Variants in EPG5 observed in about 807,000 individuals in gnomAD.
The protein encoded by EPG5 is ectopic P granules protein 5 homolog.
EPG5 carries 159 observed loss-of-function variants against 302.7 expected under a neutral mutation model. The ratio of observed to expected loss-of-function variants is 0.53; its 90% CI spans 0.46 to 0.60. EPG5 has a LOEUF of 0.60. EPG5 is among the 20% of genes least tolerant of loss of function. The pLI is 0.00. For missense variants in EPG5, 2,896 were observed against 3,092.4 expected (o/e 0.94, Z 1.51); for synonymous variants, 1,158 against 1,136.8 (o/e 1.02, Z -0.37).
chr18:45,824,217 T>G, the EPG5 span, among the ~76,000 whole-genome samples: 1 of 151,848 alleles, frequency 6.6e-6, no homozygotes, highest in South Asian at 2.1e-4. Flanking sequence ...ACTTTTTTAT[T>G]TTTTTTTGAG....
intron 6 of EPG5, 56 bp downstream of exon 6, chr18:45,948,447 C>T: frequency 7.2e-7 from 1 of 1,394,494 alleles, no homozygotes; most frequent in Non-Finnish European, 1.0e-6. Flanking sequence ...AGGAGCCAAT[C>T]CTTTAGAAGA....
intron 2 of EPG5, chr18:45,953,375 C>A (rs1052689253): frequency 3.0e-6 from 3 of 984,884 alleles, no homozygotes; most frequent in Non-Finnish European, 2.4e-6. Flanking sequence ...CACACTCCAC[C>A]AGCTGTGTTC....
intron 32 of EPG5, among the ~76,000 whole-genome samples, chr18:45,879,839 G>A (rs890630798): frequency 6.6e-6 from 1 of 152,154 alleles, no homozygotes; most frequent in Non-Finnish European, 1.5e-5. Flanking sequence ...GGGTGGGCAG[G>A]AAAGATCTAC....
chr18:45,822,902 T>C, the EPG5 span, among the ~76,000 whole-genome samples: 3 of 152,194 alleles, frequency 2.0e-5, no homozygotes, highest in African/African-American at 7.2e-5. Context: ...AGGTACCCTG[T>C]ATGGTTTGGC....
chr18:45,916,642 CTAAT>C, intron 17 of EPG5, 60 bp from the exon 18 acceptor site: 3 of 1,484,890 alleles, frequency 2.0e-6, no homozygotes, highest in Non-Finnish European at 2.7e-6. Context: ...AGAATTTTCC[CTAAT>C]TACTTATGAG....
intron 1 of EPG5, among the ~76,000 whole-genome samples, chr18:45,961,813 G>A (rs1373440377): frequency 1.3e-5 from 2 of 149,036 alleles, no homozygotes; most frequent in African/African-American, 2.5e-5. Flanking sequence ...AGCCAAGATC[G>A]CGCCACTGCA....
intron 25 of EPG5, among the ~76,000 whole-genome samples, chr18:45,902,070 C>G (rs1426031082): frequency 6.6e-6 from 1 of 152,208 alleles, no homozygotes; most frequent in African/African-American, 2.4e-5. Context: ...AAGGGAATTT[C>G]AAGTCAGTAA....
chr18:45,946,180 T>C (rs935137116), intron 7 of EPG5, among the ~76,000 whole-genome samples: 1 of 152,224 alleles, frequency 6.6e-6, no homozygotes, highest in Non-Finnish European at 1.5e-5. Context: ...AAAACCATCT[T>C]CTACCTTTCA....
intron 36 of EPG5, 112 bp downstream of exon 36, chr18:45,870,455 T>C: frequency 1.2e-6 from 1 of 844,630 alleles, no homozygotes; most frequent in East Asian, 2.7e-5. Context: ...ACAGAATGTA[T>C]TCATGGTCCA....
At chr18:45,807,798 T>A in the EPG5 span, among the ~76,000 whole-genome samples, 1 of 152,034 alleles carries the variant, frequency 6.6e-6, no homozygotes, top group Admixed American at 6.5e-5. Context: ...GAAAACCAAC[T>A]CTGGTAATAT....
intron 11 of EPG5, among the ~76,000 whole-genome samples, chr18:45,934,294 A>T (rs1183530773): frequency 9.2e-5 from 14 of 152,208 alleles, no homozygotes. Context: ...GTCTCAAAAA[A>T]AATAAAAAAT....
intron 9 of EPG5, 124 bp downstream of exon 9, chr18:45,943,037 C>A: frequency 6.4e-6 from 6 of 936,232 alleles, no homozygotes; most frequent in Admixed American, 2.5e-5. Context: ...AGAAAAAAAT[C>A]TTAACTATTA....
intron 35 of EPG5, among the ~76,000 whole-genome samples, chr18:45,872,177 T>A (rs1442173153): frequency 2.0e-5 from 3 of 152,234 alleles, no homozygotes; most frequent in Admixed American, 2.0e-4. Context: ...TGTAAGTCAT[T>A]CTAAAATAAA....
intron 10 of EPG5, 29 bp from the exon 11 acceptor site, chr18:45,934,995 A>C: frequency 6.3e-7 from 1 of 1,580,440 alleles, no homozygotes; most frequent in Non-Finnish European, 8.6e-7. Context: ...CATTTTATTT[A>C]TTAATCAGCT....
In EPG5 at chr18:45,849,256, G is replaced by C. The variant is rs1328558748; in HGVS notation, c.*3211C>G. ...CCTGAACTGCTCTGGACAGAACCAC[G>C]ACCAATAGGCAACGTAGAAACATCT... On this transcript the variant is annotated 3_prime_UTR_variant, in exon 44 of 44. Coordinates refer to ENST00000282041, the MANE Select transcript of EPG5 (RefSeq NM_020964.3). 1 of 152,124 alleles carries C rather than the reference G, an allele frequency of 6.6e-6. No homozygotes were observed. Among genetic ancestry groups the C allele is most frequent in the African/African-American group, 2.4e-5 (1 of 41,416 alleles). 9.4% of individuals were successfully genotyped at this position (152,124 alleles called of 1,614,324 possible). A position where few individuals can be genotyped will look rare whatever the true frequency, so the allele number is the denominator to read the frequency against.
chr18:45,855,455 C>T, intron 43 of EPG5, 118 bp downstream of exon 43: 1 of 660,098 alleles, frequency 1.5e-6, no homozygotes, highest in South Asian at 2.3e-5. Context: ...TGAAAGGGAA[C>T]ACTGTGCTAC....
At chr18:45,917,305 T>C (rs528056955) in intron 17 of EPG5, among the ~76,000 whole-genome samples, 1 of 152,248 alleles carries the variant, frequency 6.6e-6, no homozygotes, top group African/African-American at 2.4e-5. Context: ...CTGCACTATG[T>C]GCACTGTAAA....
intron 31 of EPG5, among the ~76,000 whole-genome samples, chr18:45,880,493 G>A (rs2049072976): frequency 6.6e-6 from 1 of 152,154 alleles, no homozygotes; most frequent in African/African-American, 2.4e-5. Flanking sequence ...AGGGGTGGGA[G>A]ACCTGACCCT....
At chr18:45,948,870 T>A (rs1279134149) in intron 5 of EPG5, among the ~76,000 whole-genome samples, 1 of 152,118 alleles carries the variant, frequency 6.6e-6, no homozygotes, top group Non-Finnish European at 1.5e-5. Flanking sequence ...AAAAAAATCC[T>A]CCTTCTACCT....
Sources: gnomAD v4.1 joint callset for allele counts (sites outside exome capture counted in the v4.1 genomes callset) on GRCh38, gnomAD v4.1.1 for gene constraint, MANE v1.5 for transcripts, NCBI Gene and HGNC (gene_info 2026-07-23, HGNC 2026-07-21) for gene names.